The following TACR2 variants were observed in gnomAD, a reference collection of about 807,000 sequenced individuals.
TACR2 encodes tachykinin receptor 2, also known as substance-K receptor.
TACR2 carries 24 observed loss-of-function variants against 28.9 expected under a neutral mutation model. That is an observed-to-expected ratio of 0.83 (90% CI 0.60 to 1.17). TACR2 has a LOEUF of 1.17. Among genes scored for constraint, TACR2 ranks in the 50% most tolerant of loss-of-function variants. The pLI is 0.00. For missense variants in TACR2, 487 were observed against 524.4 expected (o/e 0.93, Z 0.70); for synonymous variants, 222 against 212.6 (o/e 1.04, Z -0.38).
intron 4 of TACR2, 67 bp downstream of exon 4, chr10:69,407,017 G>T (rs1840507552): frequency 6.6e-7 from 1 of 1,526,076 alleles, no homozygotes; most frequent in African/African-American, 1.4e-5. Context: ...AGCTGTGCAG[G>T]GGAGCCCACC....
chr10:69,409,112 C>T, intron 2 of TACR2, 37 bp from the exon 3 acceptor site: 1 of 1,509,438 alleles, frequency 6.6e-7, no homozygotes, highest in Non-Finnish European at 8.9e-7. Context: ...GCGGAGGGCC[C>T]GGGGGCGACT....
Sources: gnomAD v4.1 joint callset for allele counts on GRCh38, gnomAD v4.1.1 for gene constraint, MANE v1.5 for transcripts, NCBI Gene and HGNC (gene_info 2026-07-23, HGNC 2026-07-21) for gene names.